Variants in RTN1 observed in about 807,000 individuals in gnomAD.
RTN1 encodes reticulon 1, also known as reticulon-1.
In RTN1, 25 loss-of-function variants were observed where a neutral mutation model predicts 65.5. The ratio of observed to expected loss-of-function variants is 0.38; its 90% CI spans 0.28 to 0.53. The LOEUF (loss-of-function observed/expected upper bound fraction) is 0.53. Among genes scored for constraint, RTN1 ranks in the 20% least tolerant of loss-of-function variants. The probability of loss-of-function intolerance (pLI) is 0.79; values close to 1 mark genes in which losing one functional copy is unlikely to be tolerated. For synonymous variants in RTN1, 471 were observed against 447.6 expected, an observed-to-expected ratio of 1.05 and a Z score of -0.66; for missense variants, 983 against 1,025.4, an observed-to-expected ratio of 0.96 and a Z score of 0.57.
chr14:59,615,905 A>T (rs1882088378), intron 3 of RTN1, among the ~76,000 whole-genome samples: 1 of 152,138 alleles, frequency 6.6e-6, no homozygotes, highest in Non-Finnish European at 1.5e-5. Context: ...TTTCTTTTTT[A>T]AAATTTTTTT....
At chr14:59,656,907 C>A (rs1883132988) in intron 3 of RTN1, among the ~76,000 whole-genome samples, 1 of 152,188 alleles carries the variant, frequency 6.6e-6, no homozygotes, top group African/African-American at 2.4e-5. Flanking sequence ...CATTCTACAG[C>A]AGTTCTAGAT....
At chr14:59,741,403 T>TG (rs1885114567) in intron 2 of RTN1, among the ~76,000 whole-genome samples, 1 of 152,210 alleles carries the variant, frequency 6.6e-6, no homozygotes, top group African/African-American at 2.4e-5. Context: ...TTCATAACCA[T>TG]TATAACTACC....
chr14:59,619,424 G>GT (rs1882195820), intron 3 of RTN1, among the ~76,000 whole-genome samples: 6 of 152,226 alleles, frequency 3.9e-5, no homozygotes, highest in Admixed American at 3.9e-4. Context: ...AAGCTTAGAA[G>GT]TTAAATGACT....
intron 3 of RTN1, among the ~76,000 whole-genome samples, chr14:59,612,201 G>T (rs749066814): frequency 2.0e-5 from 3 of 152,206 alleles, no homozygotes; most frequent in Non-Finnish European, 2.9e-5. Context: ...CCATTGGGCA[G>T]CATCTTGAAA....
rs1566658627 is a variant in RTN1 at position 59,607,362 on chromosome 14, G to C, written c.1896C>G (p.Leu632=). Residue 632 remains leucine, a synonymous_variant, in exon 4 of 9, where the codon CTC becomes CTG. Coordinates refer to ENST00000267484, the MANE Select transcript of RTN1 (RefSeq NM_021136.3). ...SVVAYLALAA[L]SATISFRIYK... is the part of the protein sequence containing the mutation. ...AGATGCGGAAACTGATGGTGGCTGA[G>C]AGTGCGGCCAGGGCCAGGTAGGCCA... 2 of 1,613,790 alleles carry C rather than the reference G, an allele frequency of 1.2e-6. No individual in the cohort carries two copies. Among genetic ancestry groups the C allele is most frequent in the Non-Finnish European group, 1.7e-6 (2 of 1,179,944 alleles).
intron 1 of RTN1, among the ~76,000 whole-genome samples, chr14:59,810,541 C>T (rs536303819): frequency 2.0e-5 from 3 of 152,258 alleles, no homozygotes; most frequent in South Asian, 4.1e-4. Context: ...AGACTCTTCA[C>T]ATTTTGGGCA....
chr14:59,684,787 G>T (rs1883813044), intron 3 of RTN1, among the ~76,000 whole-genome samples: 1 of 152,006 alleles, frequency 6.6e-6, no homozygotes, highest in African/African-American at 2.4e-5. Context: ...ACGAATAATA[G>T]TTTGGGTGGG....
At chr14:59,835,987 C>G (rs1047922786) in intron 1 of RTN1, among the ~76,000 whole-genome samples, 2 of 152,154 alleles carry the variant, frequency 1.3e-5, no homozygotes, top group African/African-American at 2.4e-5. Flanking sequence ...GGGAGAACTG[C>G]TTCCTTGCCT....
intron 1 of RTN1, among the ~76,000 whole-genome samples, chr14:59,759,085 T>G (rs989261534): frequency 1.6e-4 from 24 of 152,260 alleles, no homozygotes; most frequent in African/African-American, 5.5e-4. Context: ...ATATGGCACA[T>G]CATATATCCT....
chr14:59,600,906 G>T lies in RTN1; in HGVS notation c.2288+2159C>A, dbSNP rs550115721. Among the ~76,000 whole-genome samples, 42 of 152,060 alleles carry T rather than the reference G, an allele frequency of 2.8e-4. 1 individual carries two copies. The South Asian group carries it at 6.9e-3, about 25-fold the overall frequency. ...TTTCCCTCCATTTTAACCAGGCCAT[G>T]CCCTTGTCACTTTTATTTGAATTAT... is the stretch of plus-strand genomic sequence containing the variant. On this transcript the variant is annotated intron_variant, in intron 8 of 8. Transcript: ENST00000267484.
At chr14:59,663,770 C>A (rs1449023289) in intron 3 of RTN1, among the ~76,000 whole-genome samples, 2 of 152,122 alleles carry the variant, frequency 1.3e-5, no homozygotes, top group African/African-American at 4.8e-5. Context: ...ATCAAAACCA[C>A]AATGAGATAC....
In RTN1 at chr14:59,682,306, G is replaced by T. The variant is rs1039125766; in HGVS notation, c.1765+44613C>A. ...CTTTCCTTATGGCATTACTATTTCTGGTACATCTTCTCATGATTATTTTAT... is the reference window on the plus strand; with the variant it reads ...CTTTCCTTATGGCATTACTATTTCTTGTACATCTTCTCATGATTATTTTAT... On this transcript the variant is annotated intron_variant, in intron 3 of 8. Transcript: ENST00000267484. 3.7e-4 allele frequency among the ~76,000 whole-genome samples: 56 copies of T among 152,138 alleles called. 1 individual carries two copies. The highest frequency in any genetic ancestry group is 1.3e-3 in the African/African-American group (55 of 41,496).
At chr14:59,773,137 G>C (rs910056050) in intron 1 of RTN1, among the ~76,000 whole-genome samples, 1 of 152,052 alleles carries the variant, frequency 6.6e-6, no homozygotes, top group Non-Finnish European at 1.5e-5. Flanking sequence ...TCTTAAAGTA[G>C]TTCATTAAAT....
intron 1 of RTN1, among the ~76,000 whole-genome samples, chr14:59,832,318 T>C (rs1395792815): frequency 1.3e-5 from 2 of 152,160 alleles, no homozygotes; most frequent in African/African-American, 4.8e-5. Context: ...CATCTTTTTT[T>C]TTTCGTTCTT....
At position 59,836,187 on chromosome 14, in the gene RTN1, C is replaced by T. The variant is rs1887209932; in HGVS notation, c.241+34203G>A. On this transcript the variant is annotated intron_variant, in intron 1 of 8. Coordinates refer to ENST00000267484, the MANE Select transcript of RTN1 (RefSeq NM_021136.3). This position sits in a 1 kb window ranked among gnomAD's most constrained non-coding sequence, Gnocchi z 4.9. ...TAAACTTAAGCACATCTTCAAAGTC[C>T]CTTTGCCAGATAAGGTAACATATTC... Among the ~76,000 whole-genome samples, 1 of 152,186 alleles carries T rather than the reference C, an allele frequency of 6.6e-6. No individual in the cohort carries two copies. The highest frequency in any genetic ancestry group is 1.5e-5 in the Non-Finnish European group (1 of 68,028).
At chr14:59,819,681 G>A (rs911343296) in intron 1 of RTN1, among the ~76,000 whole-genome samples, 32 of 152,042 alleles carry the variant, frequency 2.1e-4, no homozygotes, top group Non-Finnish European at 2.5e-4. Flanking sequence ...TGGGGGCTCC[G>A]GCATGGCGGG....
intron 1 of RTN1, among the ~76,000 whole-genome samples, chr14:59,759,312 C>T (rs886810222): frequency 9.9e-5 from 15 of 152,124 alleles, no homozygotes. Context: ...AGTTAACAGC[C>T]TGGGTCCTGG....
At chr14:59,692,582 C>T (rs997900568) in intron 3 of RTN1, among the ~76,000 whole-genome samples, 2 of 151,848 alleles carry the variant, frequency 1.3e-5, no homozygotes, top group Non-Finnish European at 2.9e-5. Context: ...CATATGGAAC[C>T]AAAAAGAGCC....
intron 1 of RTN1, among the ~76,000 whole-genome samples, chr14:59,835,174 AG>A (rs1467166346): frequency 1.3e-5 from 2 of 152,216 alleles, no homozygotes; most frequent in Non-Finnish European, 2.9e-5. Context: ...AGCATTAAAA[AG>A]GAATGAAATG....
Sources: allele counts gnomAD v4.1 joint callset (sites outside exome capture counted in the v4.1 genomes callset), GRCh38; gene constraint gnomAD v4.1.1; non-coding constraint Gnocchi (gnomAD v3.1); transcripts MANE v1.5; gene names NCBI Gene and HGNC (gene_info 2026-07-23, HGNC 2026-07-21).